The following CA5B variants were observed in gnomAD, a reference collection of about 807,000 sequenced individuals.
CA5B encodes carbonic anhydrase 5B, mitochondrial.
In CA5B, 15 loss-of-function variants were observed where a neutral mutation model predicts 23.1. The ratio of observed to expected loss-of-function variants is 0.65; its 90% CI spans 0.43 to 1.00. The LOEUF is 1.00. CA5B is among the 50% of genes least tolerant of loss of function. The pLI, the probability that CA5B is intolerant of heterozygous loss-of-function variation, is 0.00. For synonymous variants in CA5B, 84 were observed against 98.5 expected, an observed-to-expected ratio of 0.85 and a Z score of 0.87; for missense variants, 236 against 252.2, an observed-to-expected ratio of 0.94 and a Z score of 0.43.
chrX:15,788,051 T>G lies in CA5B; in HGVS notation c.*5387T>G, dbSNP rs1384867969. 8.9e-6 allele frequency: 1 copy of G among 112,340 alleles called. No individual in the cohort carries two copies. Among genetic ancestry groups the G allele is most frequent in the African/African-American group, 3.2e-5 (1 of 30,913 alleles). 9.3% of individuals were successfully genotyped at this position (112,340 alleles called of 1,213,427 possible). A position where few individuals can be genotyped will look rare whatever the true frequency, so the allele number is the denominator to read the frequency against. ...TTCTGATCACAGGGACCAGCAAAATTGGTGAGTTGCATAGCTACAACATTC... is the reference window on the plus strand; with the variant it reads ...TTCTGATCACAGGGACCAGCAAAATGGGTGAGTTGCATAGCTACAACATTC... On this transcript the variant is annotated 3_prime_UTR_variant, in exon 8 of 8. Coordinates refer to ENST00000318636, the MANE Select transcript of CA5B (RefSeq NM_007220.4).
chrX:15,773,041 TAGG>T, intron 4 of CA5B, among the ~76,000 whole-genome samples: 2 of 111,046 alleles, frequency 1.8e-5, no homozygotes, highest in Middle Eastern at 4.6e-3. Flanking sequence ...CTCTTCAGGA[TAGG>T]AGAAGGCAAG....
chrX:15,768,918 T>C (rs1242792941), intron 3 of CA5B: 1 of 111,900 alleles, frequency 8.9e-6, no homozygotes, highest in African/African-American at 3.2e-5. Flanking sequence ...GAAAAGGAGC[T>C]GGGGAAGGTA....
rs892995534 is a variant in CA5B at position 15,785,913 on chromosome X, CG to C, written c.*3252del. On this transcript the variant is annotated 3_prime_UTR_variant, in exon 8 of 8. Coordinates refer to ENST00000318636, the MANE Select transcript of CA5B (RefSeq NM_007220.4). ...TTTGAGACAGAGTCGCGCTGTCACC[CG>C]GGCTGGAGTGCAGTGGCGCGATCTC... 9.0e-6 allele frequency: 1 copy of C among 110,502 alleles called. No homozygotes were observed. Among genetic ancestry groups the C allele is most frequent in the African/African-American group, 3.3e-5 (1 of 30,324 alleles). 9.1% of individuals were successfully genotyped at this position (110,502 alleles called of 1,213,427 possible). A position where few individuals can be genotyped will look rare whatever the true frequency, so the allele number is the denominator to read the frequency against.
intron 5 of CA5B, 124 bp downstream of exon 5, chrX:15,774,521 G>C (rs1355793784): frequency 5.8e-6 from 5 of 864,375 alleles, no homozygotes; most frequent in Non-Finnish European, 6.4e-6. Flanking sequence ...AATAGTGCTT[G>C]AAGTACAGGA....
intron 1 of CA5B, among the ~76,000 whole-genome samples, chrX:15,742,216 C>T (rs1256085423): frequency 8.9e-6 from 1 of 112,611 alleles, no homozygotes; most frequent in African/African-American, 3.2e-5. Flanking sequence ...CTTCTTACCA[C>T]CTCCACTGTG....
intron 7 of CA5B, 95 bp from the exon 8 acceptor site, chrX:15,782,390 C>G: frequency 3.5e-6 from 3 of 858,396 alleles, no homozygotes; most frequent in Non-Finnish European, 5.0e-6. Context: ...TAATTTGCAA[C>G]GAATGCTCAG....
At chrX:15,740,870 C>A (rs1342994042) in intron 1 of CA5B, among the ~76,000 whole-genome samples, 1 of 111,680 alleles carries the variant, frequency 9.0e-6, no homozygotes, top group East Asian at 2.9e-4. Flanking sequence ...TCGAGACCAG[C>A]CTGGACAACA....
At chrX:15,764,522 G>A in intron 2 of CA5B, 56 bp from the exon 3 acceptor site, 1 of 1,197,099 alleles carries the variant, frequency 8.4e-7, no homozygotes. Context: ...TTATAGGAGT[G>A]AGCCACTGCA....
chrX:15,780,981 C>CTT (rs540005812), intron 7 of CA5B, among the ~76,000 whole-genome samples: 4 of 100,456 alleles, frequency 4.0e-5, no homozygotes, highest in African/African-American at 1.4e-4. Context: ...ATTTTGTTTT[C>CTT]TTTTTTTTTT....
chrX:15,780,163 C>T (rs1321200365), intron 7 of CA5B, among the ~76,000 whole-genome samples: 2 of 111,275 alleles, frequency 1.8e-5, no homozygotes, highest in Non-Finnish European at 3.8e-5. Context: ...TGTCCAGATG[C>T]ACATAAGTCC....
At chrX:15,758,437 C>T (rs1417335846) in intron 2 of CA5B, among the ~76,000 whole-genome samples, 1 of 112,425 alleles carries the variant, frequency 8.9e-6, no homozygotes, top group Non-Finnish European at 1.9e-5. Flanking sequence ...CCAGTGGCCT[C>T]AGCTCTTAAT....
chrX:15,751,885 T>C (rs747400748), intron 2 of CA5B, among the ~76,000 whole-genome samples: 15 of 111,917 alleles, frequency 1.3e-4, no homozygotes, highest in Non-Finnish European at 2.6e-4. Flanking sequence ...CAATTCTCAT[T>C]GTTTCTGACA....
rs183216291 is a variant in CA5B, at chrX:15,752,593, T to C, written c.142+2428T>C. ...ACAGAAAATTAGCCAGGCGTGGTGG[T>C]GGGCGCCTGCAGTCCCAGCTACTAA... On this transcript the variant is annotated intron_variant, in intron 2 of 7. Coordinates refer to ENST00000318636, the MANE Select transcript of CA5B (RefSeq NM_007220.4). 6.1e-3 allele frequency among the ~76,000 whole-genome samples: 673 copies of C among 110,808 alleles called. 6 individuals are homozygous for C. Among genetic ancestry groups the C allele is most frequent in the African/African-American group, 0.018 (551 of 30,453 alleles).
intron 3 of CA5B, among the ~76,000 whole-genome samples, chrX:15,770,208 G>A (rs112056149): frequency 2.7e-5 from 3 of 110,647 alleles, no homozygotes; most frequent in African/African-American, 9.9e-5. Flanking sequence ...AGCTTCTTGG[G>A]GAGGCTGAGA....
At chrX:15,747,439 C>T (rs777254082) in intron 1 of CA5B, among the ~76,000 whole-genome samples, 14 of 107,569 alleles carry the variant, frequency 1.3e-4, no homozygotes, top group Admixed American at 3.0e-4. Flanking sequence ...CCTTTGATTT[C>T]AAAAATACAA....
At chrX:15,759,877 C>T (rs1307308368) in intron 2 of CA5B, among the ~76,000 whole-genome samples, 2 of 105,611 alleles carry the variant, frequency 1.9e-5, no homozygotes, top group Middle Eastern at 4.4e-3. Context: ...CTCAGCCTCC[C>T]GAGTAGCTGG....
rs1931899247 is a variant in CA5B, at chrX:15,775,251, C to T, written c.561C>T (p.Gly187=). 1 of 1,189,274 alleles carries T rather than the reference C, an allele frequency of 8.4e-7. No homozygotes were observed. The highest frequency in any genetic ancestry group is 1.1e-6 in the Non-Finnish European group (1 of 880,408). ...LAVIGVFLKL[G]KHHKELQKLV... ...TCTTACTTGTTGTTCTTTAGCTAGG[C>T]AAACATCATAAGGAGCTACAGAAAT... is the stretch of plus-strand genomic sequence containing the variant. The change falls in exon 6 of 8, where the codon GGC becomes GGT. Residue 187 remains glycine, a synonymous_variant. Coordinates refer to ENST00000318636, the MANE Select transcript of CA5B (RefSeq NM_007220.4).
intron 3 of CA5B, chrX:15,769,613 T>G (rs1931780073): frequency 2.7e-6 from 2 of 750,227 alleles, no homozygotes; most frequent in South Asian, 6.8e-5. Flanking sequence ...GTAAGAATGC[T>G]TTCACAAACA....
At position 15,775,667 on chromosome X, in the gene CA5B, C is replaced by T. The variant is rs1601793765; in HGVS notation, c.618+359C>T. On this transcript the variant is annotated intron_variant, in intron 6 of 7. Coordinates refer to ENST00000318636, the MANE Select transcript of CA5B (RefSeq NM_007220.4). ...GGAGCAGAGCGCAGTTCTACAGAAA[C>T]TTGCCTTGTCCAGCTAGAAAGAACA... 4.0e-5 allele frequency: 31 copies of T among 768,175 alleles called. No individual in the cohort carries two copies. The South Asian group carries it at 1.7e-3, about 41-fold the overall frequency. The allele number at this position is 768,175 out of a possible 1,213,427, so 63.3% of individuals were successfully genotyped here.
Sources: allele counts gnomAD v4.1 joint callset (sites outside exome capture counted in the v4.1 genomes callset), GRCh38; gene constraint gnomAD v4.1.1; transcripts MANE v1.5; gene names NCBI Gene and HGNC (gene_info 2026-07-23, HGNC 2026-07-21).